Variants in PDZD2 observed in about 807,000 individuals in gnomAD.
PDZD2 encodes PDZ domain-containing protein 2.
A neutral mutation model predicts 220.7 loss-of-function variants in PDZD2; 90 were observed. The observed-to-expected ratio is 0.41, with a 90% confidence interval of 0.34 to 0.49. The LOEUF is 0.49. PDZD2 is among the 20% of genes least tolerant of loss of function. PDZD2 has a pLI of 0.28. For missense variants in PDZD2, 3,174 were observed against 3,608.5 expected (o/e 0.88, Z 3.08); for synonymous variants, 1,375 against 1,450.5 (o/e 0.95, Z 1.18).
chr5:31,750,503 C>T (rs1257119116), intron 1 of PDZD2, among the ~76,000 whole-genome samples: 6 of 152,198 alleles, frequency 3.9e-5, no homozygotes, highest in Admixed American at 3.9e-4. Flanking sequence ...GGAGACAAAG[C>T]ATGAACACAA....
chr5:31,902,500 T>C (rs977350493), intron 2 of PDZD2, among the ~76,000 whole-genome samples: 6 of 149,194 alleles, frequency 4.0e-5, no homozygotes, highest in Non-Finnish European at 7.4e-5. Context: ...TTTTTTTTTT[T>C]CAGACAGATT....
chr5:31,841,544 G>A (rs1211828436), intron 2 of PDZD2, among the ~76,000 whole-genome samples: 1 of 151,708 alleles, frequency 6.6e-6, no homozygotes, highest in Non-Finnish European at 1.5e-5. Context: ...ATGGTGGCGG[G>A]CGCCTGTAGT....
chr5:31,639,620 C>T lies in PDZD2; in HGVS notation c.-361+183C>T, dbSNP rs1441655766. On this transcript the variant is annotated intron_variant, in intron 1 of 24. Transcript: ENST00000438447. The surrounding 1 kb of genome is among the most constrained non-coding windows in gnomAD (Gnocchi z 4.1). ...CGAACCGGGGTCCCACGTTGGGCGG[C>T]GCAAACTCCTCTAGCATCCGGCCGG... Among the ~76,000 whole-genome samples the T allele has an allele frequency of 1.3e-5, 2 of 152,148 alleles. No individual in the cohort carries two copies. The highest frequency in any genetic ancestry group is 2.9e-5 in the Non-Finnish European group (2 of 68,020).
chr5:32,001,846 C>T (rs956850781), intron 5 of PDZD2, among the ~76,000 whole-genome samples: 2 of 152,060 alleles, frequency 1.3e-5, no homozygotes, highest in African/African-American at 2.4e-5. Context: ...AGCTGTAGGC[C>T]GATGTGCTGT....
chr5:31,712,768 G>A (rs142087600), intron 1 of PDZD2, among the ~76,000 whole-genome samples: 7 of 152,276 alleles, frequency 4.6e-5, no homozygotes, highest in Non-Finnish European at 8.8e-5. Context: ...AAAAGCGCAG[G>A]AATTGAAGGC....
chr5:31,717,334 T>C (rs114785717), intron 1 of PDZD2, among the ~76,000 whole-genome samples: 3,086 of 152,250 alleles, frequency 0.02, 118 homozygotes, highest in African/African-American at 0.07. Context: ...TAAATCGCTG[T>C]CTCTGCCCTC....
At chr5:31,822,203 T>C (rs558910562) in intron 2 of PDZD2, among the ~76,000 whole-genome samples, 369 of 152,196 alleles carry the variant, frequency 2.4e-3, no homozygotes, top group Admixed American at 4.5e-3. Context: ...CCTTTGGGTA[T>C]ATACCCAGTA....
At chr5:31,804,961 A>AG (rs1005525222) in intron 2 of PDZD2, among the ~76,000 whole-genome samples, 2 of 152,198 alleles carry the variant, frequency 1.3e-5, no homozygotes, top group Admixed American at 1.3e-4. Flanking sequence ...TGGGAGGCCG[A>AG]GGCGGGTTGG....
intron 1 of PDZD2, among the ~76,000 whole-genome samples, chr5:31,656,502 T>C (rs1438430222): frequency 6.6e-6 from 1 of 152,110 alleles, no homozygotes; most frequent in Admixed American, 6.5e-5. Flanking sequence ...AGTAAAGGGA[T>C]GTTGATGGAT....
chr5:32,052,906 G>A (rs1738713967), intron 9 of PDZD2, among the ~76,000 whole-genome samples, 176 bp downstream of exon 9: 1 of 152,140 alleles, frequency 6.6e-6, no homozygotes, highest in Non-Finnish European at 1.5e-5. Context: ...AAACTCCTGG[G>A]CTCAAGCAGT....
Position 31,932,552 on chromosome 5 carries a change from AAAAGAAAGAAAG to A in PDZD2, c.477-50583_477-50572del, listed in dbSNP as rs139660975. ...CGACAGAGCAAGACTCTGCCTCAAA[AAAAGAAAGAAAG>A]AAAGAAAGAAAGAAAGAAAATCCAG... On this transcript the variant is annotated intron_variant, in intron 2 of 24. Coordinates refer to ENST00000438447, the MANE Select transcript of PDZD2 (RefSeq NM_178140.4). Among the ~76,000 whole-genome samples the A allele has an allele frequency of 5.4e-3, 820 of 151,276 alleles. 10 individuals carry two copies. The highest frequency in any genetic ancestry group is 0.019 in the African/African-American group (786 of 41,240).
At chr5:31,725,379 A>G (rs983067253) in intron 1 of PDZD2, among the ~76,000 whole-genome samples, 2 of 151,716 alleles carry the variant, frequency 1.3e-5, no homozygotes, top group East Asian at 1.9e-4. Flanking sequence ...TCAACAGCAT[A>G]TTGTTTTAAT....
Position 31,799,215 on chromosome 5 carries a change from C to T in PDZD2, c.-34C>T, listed in dbSNP as rs1754233731. 1 of 1,472,026 alleles carries T rather than the reference C, an allele frequency of 6.8e-7. No individual in the cohort carries two copies. Among genetic ancestry groups the T allele is most frequent in the Non-Finnish European group, 9.3e-7 (1 of 1,072,436 alleles). The allele number at this position is 1,472,026 out of a possible 1,614,324, so 91.2% of individuals were successfully genotyped here. A position where few individuals can be genotyped will look rare whatever the true frequency, so the allele number is the denominator to read the frequency against. ...TGGGGTCTGGCCCCCAGGAGCAAGA[C>T]CTCTGATGATGCTGGTGTCTGGGAG... On this transcript the variant is annotated 5_prime_UTR_variant, in exon 2 of 25. Transcript: ENST00000438447.
intron 2 of PDZD2, among the ~76,000 whole-genome samples, chr5:31,905,775 A>T (rs1298483426): frequency 6.6e-6 from 1 of 152,162 alleles, no homozygotes; most frequent in African/African-American, 2.4e-5. Context: ...GAAACAACCC[A>T]TTCAGAGCCT....
At chr5:31,640,666 G>T (rs1744914616) in intron 1 of PDZD2, among the ~76,000 whole-genome samples, 1 of 152,128 alleles carries the variant, frequency 6.6e-6, no homozygotes, top group African/African-American at 2.4e-5. Flanking sequence ...GTGACTTCTG[G>T]GTGGTGGCCA....
chr5:31,980,562 C>A (rs1445838034), intron 2 of PDZD2, among the ~76,000 whole-genome samples: 1 of 152,180 alleles, frequency 6.6e-6, no homozygotes, highest in Non-Finnish European at 1.5e-5. Flanking sequence ...TTATGCCCTG[C>A]ACTGATTTGT....
chr5:31,806,748 C>G (rs1754736386), intron 2 of PDZD2, among the ~76,000 whole-genome samples: 2 of 152,122 alleles, frequency 1.3e-5, no homozygotes, highest in African/African-American at 4.8e-5. Context: ...CAGTCACTTC[C>G]TAGCTTTCTA....
intron 2 of PDZD2, among the ~76,000 whole-genome samples, chr5:31,959,695 C>T (rs753460131): frequency 1.7e-4 from 26 of 152,148 alleles, no homozygotes; most frequent in East Asian, 1.9e-4. Context: ...AAATCTAAAG[C>T]GAGGGAAGAA....
chr5:32,025,635 C>A (rs1375936613), intron 6 of PDZD2, among the ~76,000 whole-genome samples: 1 of 93,086 alleles, frequency 1.1e-5, no homozygotes, highest in African/African-American at 4.6e-5. Context: ...CAGTCTCACT[C>A]TTGTCACCCA....
Sources: gnomAD v4.1 joint callset for allele counts (sites outside exome capture counted in the v4.1 genomes callset) on GRCh38, gnomAD v4.1.1 for gene constraint, Gnocchi (gnomAD v3.1) non-coding constraint, MANE v1.5 for transcripts, NCBI Gene and HGNC (gene_info 2026-07-23, HGNC 2026-07-21) for gene names.